GAD2: variants seen among roughly 807,000 people sequenced by gnomAD.
GAD2 encodes the protein 65 kDa glutamic acid decarboxylase.
In GAD2, 22 loss-of-function variants were observed where a neutral mutation model predicts 80.1. That is an observed-to-expected ratio of 0.27 (90% CI 0.20 to 0.39). The LOEUF is 0.39. Ranked by LOEUF, GAD2 falls within the 10% of genes least tolerant of loss-of-function variation. GAD2 has a pLI of 1.00. For synonymous variants in GAD2, 274 were observed against 256.9 expected, an observed-to-expected ratio of 1.07 and a Z score of -0.64; for missense variants, 624 against 738.4, an observed-to-expected ratio of 0.85 and a Z score of 1.80.
chr10:26,220,690 C>T lies in GAD2; in HGVS notation c.520+1414C>T, dbSNP rs138201098. Among the ~76,000 whole-genome samples, 7 of 152,290 alleles carry T rather than the reference C, an allele frequency of 4.6e-5. No homozygotes were observed. In the East Asian group the frequency reaches 1.3e-3, roughly 29 times the overall value. The stretch of plus-strand genomic sequence containing the variant: ...TCATTTTTTGACCCATTCCCCATAC[C>T]TTATATTTAGATACGTTAATAGTAA... On this transcript the variant is annotated intron_variant, in intron 4 of 15. Coordinates refer to ENST00000376261, the MANE Select transcript of GAD2 (RefSeq NM_001134366.2).
chr10:26,266,542 C>T (rs1845076110), intron 8 of GAD2, among the ~76,000 whole-genome samples: 1 of 152,194 alleles, frequency 6.6e-6, no homozygotes, highest in Non-Finnish European at 1.5e-5. Context: ...TGTTTATCTA[C>T]CACCTGCCAT....
intron 7 of GAD2, among the ~76,000 whole-genome samples, chr10:26,235,895 G>T (rs373863956): frequency 6.6e-6 from 1 of 152,056 alleles, no homozygotes; most frequent in African/African-American, 2.4e-5. Flanking sequence ...AATATCTTCC[G>T]CGAAACAGCA....
At chr10:26,294,090 T>C (rs8190789) in intron 15 of GAD2, among the ~76,000 whole-genome samples, 10,504 of 152,320 alleles carry the variant, frequency 0.069, 449 homozygotes, top group Non-Finnish European at 0.098. Context: ...ATGCAGGACC[T>C]GTCCCCCATT....
At chr10:26,255,604 A>AGAAAGAAG (rs1554851952) in intron 8 of GAD2, among the ~76,000 whole-genome samples, 20 of 139,546 alleles carry the variant, frequency 1.4e-4, no homozygotes, top group African/African-American at 4.3e-4. Context: ...ATGGAAGGAA[A>AGAAAGAAG]GAAGGAAGGA....
At chr10:26,238,410 ATTG>A (rs1844701487) in intron 7 of GAD2, among the ~76,000 whole-genome samples, 1 of 152,224 alleles carries the variant, frequency 6.6e-6, no homozygotes, top group South Asian at 2.1e-4. Context: ...CATAGAAATA[ATTG>A]TTGTCCACAG....
intron 15 of GAD2, among the ~76,000 whole-genome samples, chr10:26,296,504 C>T (rs1434172211): frequency 2.0e-5 from 3 of 152,210 alleles, no homozygotes; most frequent in African/African-American, 7.2e-5. Flanking sequence ...TCCTGCTGCT[C>T]TGTCAGGACT....
At chr10:26,277,950 G>A (rs763085170) in intron 11 of GAD2, among the ~76,000 whole-genome samples, 3 of 151,748 alleles carry the variant, frequency 2.0e-5, no homozygotes, top group Non-Finnish European at 4.4e-5. Context: ...CCGCATGACC[G>A]AATCCCACAG....
chr10:26,258,580 GTC>G (rs2132297008), intron 8 of GAD2, among the ~76,000 whole-genome samples: 1 of 152,144 alleles, frequency 6.6e-6, no homozygotes, highest in East Asian at 1.9e-4. Flanking sequence ...CCACTCCACT[GTC>G]TCTACGAATT....
chr10:26,250,431 G>C (rs568149098), intron 8 of GAD2, among the ~76,000 whole-genome samples: 2 of 152,322 alleles, frequency 1.3e-5, no homozygotes, highest in East Asian at 3.9e-4. Context: ...GGGAGAGACA[G>C]AGGGAAATGG....
At chr10:26,249,495 G>A (rs182261208) in intron 8 of GAD2, among the ~76,000 whole-genome samples, 29 of 152,352 alleles carry the variant, frequency 1.9e-4, no homozygotes, top group African/African-American at 7.0e-4. Context: ...GAGGAGCCTG[G>A]AGTTGAGGGA....
chr10:26,218,130 G>A, intron 3 of GAD2, 139 bp downstream of exon 3: 1 of 943,614 alleles, frequency 1.1e-6, no homozygotes, highest in African/African-American at 1.7e-5. Flanking sequence ...AGAATCTTCA[G>A]ATAAAAGCGA....
At chr10:26,299,479 A>G (rs957308101) in intron 15 of GAD2, among the ~76,000 whole-genome samples, 1 of 152,218 alleles carries the variant, frequency 6.6e-6, no homozygotes, top group African/African-American at 2.4e-5. Flanking sequence ...AGTGGTAAAT[A>G]TATGTGGATA....
At chr10:26,242,227 C>T (rs1338245553) in intron 7 of GAD2, among the ~76,000 whole-genome samples, 1 of 152,178 alleles carries the variant, frequency 6.6e-6, no homozygotes, top group Non-Finnish European at 1.5e-5. Flanking sequence ...ACCTCGTGAT[C>T]CGCCTGCCTC....
intron 6 of GAD2, among the ~76,000 whole-genome samples, chr10:26,228,794 C>T (rs2132275148): frequency 6.6e-6 from 1 of 152,258 alleles, no homozygotes; most frequent in East Asian, 1.9e-4. Flanking sequence ...AAGCATTCTC[C>T]ACCCCACCCC....
chr10:26,252,421 C>G (rs1007851143), intron 8 of GAD2, among the ~76,000 whole-genome samples: 4 of 152,106 alleles, frequency 2.6e-5, no homozygotes, highest in Non-Finnish European at 4.4e-5. Context: ...CAGCTCACTG[C>G]AGCCTCTGCC....
intron 8 of GAD2, among the ~76,000 whole-genome samples, chr10:26,259,943 C>T (rs1156318883): frequency 6.6e-6 from 1 of 152,086 alleles, no homozygotes; most frequent in Admixed American, 6.5e-5. Context: ...TCTCCTATTC[C>T]GGAAGCCACA....
At chr10:26,276,386 A>T in intron 11 of GAD2, among the ~76,000 whole-genome samples, 1 of 151,668 alleles carries the variant, frequency 6.6e-6, no homozygotes. Flanking sequence ...TTTTATTTTT[A>T]TTTATTTATT....
intron 7 of GAD2, among the ~76,000 whole-genome samples, chr10:26,236,302 C>CTT (rs201706752): frequency 1.6e-3 from 215 of 137,436 alleles, no homozygotes; most frequent in East Asian, 5.1e-3. Flanking sequence ...TTTCTTTTTT[C>CTT]TTTTTTTTTT....
At chr10:26,281,178 G>T in intron 12 of GAD2, 91 bp downstream of exon 12, 1 of 944,310 alleles carries the variant, frequency 1.1e-6, no homozygotes. Context: ...CAAGATCACC[G>T]GGTCTTCTCT....
Sources: allele counts gnomAD v4.1 joint callset (sites outside exome capture counted in the v4.1 genomes callset), GRCh38; gene constraint gnomAD v4.1.1; transcripts MANE v1.5; gene names NCBI Gene and HGNC (gene_info 2026-07-23, HGNC 2026-07-21).